Variants in ZEB1 observed in about 807,000 individuals in gnomAD.
ZEB1 encodes the protein zinc finger E-box-binding homeobox 1.
ZEB1 carries 21 observed loss-of-function variants against 84.9 expected under a neutral mutation model. The observed-to-expected ratio is 0.25, with a 90% CI of 0.18 to 0.36. The LOEUF is 0.36. Ranked by LOEUF, ZEB1 falls within the 10% of genes least tolerant of loss-of-function variation. The probability of loss-of-function intolerance (pLI) is 1.00; values close to 1 mark genes in which losing one functional copy is unlikely to be tolerated. For synonymous variants in ZEB1, 420 were observed against 471.1 expected, an observed-to-expected ratio of 0.89 and a Z score of 1.41; for missense variants, 1,104 against 1,330.2, an observed-to-expected ratio of 0.83 and a Z score of 2.65.
Position 31,476,310 on chromosome 10 carries a change from C to T in ZEB1, c.259+15073C>T, listed in dbSNP as rs554970356. The stretch of plus-strand genomic sequence containing the variant: ...CTGATACAACAGAAATACAAAAGCT[C>T]ATCAGGGGTTACTATGAGCATCTCT... On this transcript the variant is annotated intron_variant, in intron 2 of 8. Coordinates refer to ENST00000424869, the MANE Select transcript of ZEB1 (RefSeq NM_001174096.2). Among the ~76,000 whole-genome samples, 8 of 152,004 alleles carry T rather than the reference C, an allele frequency of 5.3e-5. No individual in the cohort carries two copies. The South Asian group carries it at 8.3e-4, about 16-fold the overall frequency.
chr10:31,498,594 G>A (rs950364468), intron 3 of ZEB1, among the ~76,000 whole-genome samples: 1 of 151,712 alleles, frequency 6.6e-6, no homozygotes, highest in African/African-American at 2.4e-5. Context: ...AATTTTATAG[G>A]ATGTAAACAT....
At chr10:31,489,379 A>G (rs2066182593) in intron 2 of ZEB1, among the ~76,000 whole-genome samples, 1 of 151,340 alleles carries the variant, frequency 6.6e-6, no homozygotes, top group East Asian at 1.9e-4. Context: ...AAATTTTTGT[A>G]GATAGGATAT....
In ZEB1 at chr10:31,510,890, TGA is replaced by T. The variant is rs1489967739; in HGVS notation, c.687+19_687+20del. 1 of 1,612,330 alleles carries T rather than the reference TGA, an allele frequency of 6.2e-7. No homozygotes were observed. Among genetic ancestry groups the T allele is most frequent in the Non-Finnish European group, 8.5e-7 (1 of 1,178,910 alleles). ...GAAGAGATCAAGTAAGTGCAATGACTGAGAGTTCACTAACTTTCCAGATTTTG... is the reference window on the plus strand; with the variant it reads ...GAAGAGATCAAGTAAGTGCAATGACTGAGTTCACTAACTTTCCAGATTTTG... On this transcript the variant is annotated intron_variant, in intron 5 of 8. Transcript: ENST00000424869.
Position 31,361,170 on chromosome 10 carries a change from T to A in ZEB1, c.58+41878T>A, listed in dbSNP as rs941340064. The A allele has an allele frequency of 2.5e-6, 4 of 1,611,874 alleles. No homozygotes were observed. The African/African-American group carries it at 5.3e-5, about 22-fold the overall frequency. ...GGCAACCAGAACCTCTTGTTCCTCC[T>A]GTCCCAAAAGACCATCCTGCTCTCA... On this transcript the variant is annotated intron_variant, in intron 1 of 8. Transcript: ENST00000424869.
chr10:31,474,908 G>T (rs1050513979), intron 2 of ZEB1, among the ~76,000 whole-genome samples: 1 of 152,116 alleles, frequency 6.6e-6, no homozygotes, highest in Admixed American at 6.5e-5. Flanking sequence ...CATGTCCTTT[G>T]TAGGGACATG....
chr10:31,394,823 C>T (rs1418007353), intron 1 of ZEB1, among the ~76,000 whole-genome samples: 1 of 152,158 alleles, frequency 6.6e-6, no homozygotes, highest in African/African-American at 2.4e-5. Flanking sequence ...TAGTAAGCTT[C>T]ACAGTAAATC....
intron 1 of ZEB1, among the ~76,000 whole-genome samples, chr10:31,351,113 C>T (rs1381613341): frequency 6.6e-6 from 1 of 152,128 alleles, no homozygotes; most frequent in Non-Finnish European, 1.5e-5. Flanking sequence ...TAGTTTCAAC[C>T]TCAGTGTTAG....
chr10:31,426,518 C>T (rs1242574337), intron 1 of ZEB1, among the ~76,000 whole-genome samples: 1 of 152,156 alleles, frequency 6.6e-6, no homozygotes, highest in Admixed American at 6.5e-5. Flanking sequence ...ATTATAGAGT[C>T]AGTCTAACTT....
At chr10:31,453,271 A>C (rs2060817285) in intron 1 of ZEB1, among the ~76,000 whole-genome samples, 1 of 152,030 alleles carries the variant, frequency 6.6e-6, no homozygotes, top group Non-Finnish European at 1.5e-5. Flanking sequence ...TACATGCCAC[A>C]GTTATCGTCG....
chr10:31,513,028 A>G (rs1375728707), intron 5 of ZEB1, among the ~76,000 whole-genome samples: 1 of 152,168 alleles, frequency 6.6e-6, no homozygotes, highest in Admixed American at 6.5e-5. Flanking sequence ...GTTGGATTGT[A>G]TTCTAAAGTG....
At chr10:31,365,289 A>G (rs2044238356) in intron 1 of ZEB1, among the ~76,000 whole-genome samples, 2 of 152,178 alleles carry the variant, frequency 1.3e-5, no homozygotes, top group South Asian at 4.1e-4. Context: ...ACTATTCACC[A>G]CACATGATGC....
intron 2 of ZEB1, among the ~76,000 whole-genome samples, chr10:31,483,815 C>T (rs1013096262): frequency 6.6e-6 from 1 of 151,974 alleles, no homozygotes; most frequent in Non-Finnish European, 1.5e-5. Context: ...AACACACTTA[C>T]GATTTAAACA....
chr10:31,438,923 T>C (rs1340697996), intron 1 of ZEB1, among the ~76,000 whole-genome samples: 1 of 152,220 alleles, frequency 6.6e-6, no homozygotes, highest in Non-Finnish European at 1.5e-5. Context: ...GCAAATATTT[T>C]GCCCAATCCC....
intron 1 of ZEB1, among the ~76,000 whole-genome samples, chr10:31,341,315 G>A (rs1201059644): frequency 6.6e-6 from 1 of 151,988 alleles, no homozygotes; most frequent in Non-Finnish European, 1.5e-5. Context: ...TACTTTTTTT[G>A]TTGTTGATAA....
At chr10:31,492,872 C>T (rs2066724969) in intron 2 of ZEB1, among the ~76,000 whole-genome samples, 1 of 151,770 alleles carries the variant, frequency 6.6e-6, no homozygotes. Flanking sequence ...AAGAACAAGC[C>T]ATAAGCTCTT....
chr10:31,527,371 A>T lies in ZEB1; in HGVS notation c.*107A>T. 6.9e-7 allele frequency: 1 copy of T among 1,438,940 alleles called. No homozygotes were observed. Among genetic ancestry groups the T allele is most frequent in the Non-Finnish European group, 9.4e-7 (1 of 1,068,916 alleles). 89.1% of individuals were successfully genotyped at this position (1,438,940 alleles called of 1,614,324 possible). A position where few individuals can be genotyped will look rare whatever the true frequency, so the allele number is the denominator to read the frequency against. On this transcript the variant is annotated 3_prime_UTR_variant, in exon 9 of 9. Transcript: ENST00000424869. ...AACCTGTATGCTGTGATTCCTGTTC[A>T]CTACTGTGTAAAGTAAAAACTAAAA...
chr10:31,333,878 AC>A (rs1448657688), intron 1 of ZEB1, among the ~76,000 whole-genome samples: 9 of 152,078 alleles, frequency 5.9e-5, no homozygotes, highest in Non-Finnish European at 1.2e-4. Flanking sequence ...TATTCCTGAC[AC>A]TACTAACCAA....
intron 1 of ZEB1, among the ~76,000 whole-genome samples, chr10:31,460,132 G>C (rs1306892792): frequency 2.0e-5 from 3 of 151,800 alleles, no homozygotes; most frequent in Non-Finnish European, 4.4e-5. Flanking sequence ...TCCTGTTAGA[G>C]TGATTATTGC....
intron 1 of ZEB1, among the ~76,000 whole-genome samples, chr10:31,361,426 T>A (rs1455357957): frequency 2.0e-5 from 3 of 152,190 alleles, no homozygotes; most frequent in African/African-American, 7.2e-5. Context: ...CTCCTTTTTT[T>A]AAATTAAAAA....
Sources: allele counts gnomAD v4.1 joint callset (sites outside exome capture counted in the v4.1 genomes callset), GRCh38; gene constraint gnomAD v4.1.1; transcripts MANE v1.5; gene names NCBI Gene and HGNC (gene_info 2026-07-23, HGNC 2026-07-21).